The following MYO3B variants were observed in gnomAD, a reference collection of about 807,000 sequenced individuals.
The protein encoded by MYO3B is myosin IIIB.
In MYO3B, 156 loss-of-function variants were observed where a neutral mutation model predicts 174.6. That is an observed-to-expected ratio of 0.89 (90% CI 0.78 to 1.02). The LOEUF is 1.02. Among genes scored for constraint, MYO3B ranks in the 50% least tolerant of loss-of-function variants. The pLI, the probability that MYO3B is intolerant of heterozygous loss-of-function variation, is 0.00. For missense variants in MYO3B, 1,632 were observed against 1,639.4 expected, an observed-to-expected ratio of 1.00 and a Z score of 0.08; for synonymous variants, 563 against 569.1, an observed-to-expected ratio of 0.99 and a Z score of 0.15.
intron 32 of MYO3B, chr2:170,646,772 A>G: frequency 2.4e-6 from 1 of 425,088 alleles, no homozygotes; most frequent in East Asian, 7.8e-5. Context: ...GGCCCCTCCC[A>G]CATTGTCTTT....
chr2:170,405,755 T>C, intron 21 of MYO3B, 122 bp downstream of exon 21: 1 of 776,160 alleles, frequency 1.3e-6, no homozygotes, highest in Non-Finnish European at 2.0e-6. Flanking sequence ...TCTTCCTGAA[T>C]ACCTAATCAT....
At chr2:170,651,819 C>CTGGGGGGGGGG in intron 33 of MYO3B, 85 bp downstream of exon 33, 1 of 1,081,978 alleles carries the variant, frequency 9.2e-7, no homozygotes. Context: ...CCAGCCCCTG[C>CTGGGGGGGGGG]AGCCCCACCC....
chr2:170,533,424 G>GT (rs1020944418), intron 30 of MYO3B, among the ~76,000 whole-genome samples: 2 of 109,954 alleles, frequency 1.8e-5, no homozygotes, highest in African/African-American at 8.7e-5. Context: ...TTTTGTGGGG[G>GT]TGGGGGGGGG....
intron 7 of MYO3B, among the ~76,000 whole-genome samples, chr2:170,310,827 T>G (rs2093734536): frequency 2.0e-5 from 3 of 152,142 alleles, no homozygotes; most frequent in Non-Finnish European, 4.4e-5. Flanking sequence ...TGGGTTAAGA[T>G]AAAGGATTGT....
intron 30 of MYO3B, among the ~76,000 whole-genome samples, chr2:170,527,744 C>T (rs1689095717): frequency 1.3e-5 from 2 of 152,210 alleles, no homozygotes; most frequent in Admixed American, 6.5e-5. Context: ...TGGTACTTAC[C>T]TCATGCCGCC....
chr2:170,378,506 A>T (rs985340673), intron 9 of MYO3B, among the ~76,000 whole-genome samples: 2 of 152,224 alleles, frequency 1.3e-5, no homozygotes, highest in African/African-American at 2.4e-5. Context: ...TAAAATTTTT[A>T]AAAAGTTATT....
intron 7 of MYO3B, among the ~76,000 whole-genome samples, chr2:170,253,036 C>A (rs1004723145): frequency 1.3e-5 from 2 of 152,088 alleles, no homozygotes; most frequent in Non-Finnish European, 2.9e-5. Context: ...GATAGGAAGC[C>A]ATTAGGGTTT....
chr2:170,432,951 A>G (rs1379508171), intron 22 of MYO3B, among the ~76,000 whole-genome samples: 1 of 152,158 alleles, frequency 6.6e-6, no homozygotes, highest in South Asian at 2.1e-4. Context: ...GTGTACAGTA[A>G]TGTACACTAA....
intron 8 of MYO3B, chr2:170,344,430 C>T (rs2094000466): frequency 7.0e-6 from 1 of 143,882 alleles, no homozygotes; most frequent in Admixed American, 7.4e-5. Flanking sequence ...CACATCACTG[C>T]ACTCCAGCCT....
Position 170,407,770 on chromosome 2 carries a change from A to G in MYO3B, c.2576A>G (p.Asp859Gly), listed in dbSNP as rs1484532367. Reference sequence around the variant, plus strand: ...AAAAATAGAGACACTCTCCCTGCCGATGTGGTTGTGGTCCTGAGAACGTCA... The same window carrying G: ...AAAAATAGAGACACTCTCCCTGCCGGTGTGGTTGTGGTCCTGAGAACGTCA... ...LEKNRDTLPADVVVVLRTSEN... is the reference protein window; with the variant it reads ...LEKNRDTLPAGVVVVLRTSEN... The change falls in exon 22 of 35, where the codon GAT becomes GGT. Residue 859 changes from aspartate (D) to glycine (G), a missense_variant. By Grantham distance (94) the Asp-to-Gly change is moderately conservative. Transcript: ENST00000408978. 6.2e-7 allele frequency: 1 copy of G among 1,614,114 alleles called. No individual in the cohort carries two copies. Among genetic ancestry groups the G allele is most frequent in the East Asian group, 2.2e-5 (1 of 44,882 alleles).
chr2:170,524,630 C>A (rs539335920), intron 30 of MYO3B: 7 of 334,052 alleles, frequency 2.1e-5, no homozygotes, highest in South Asian at 1.3e-4. Context: ...ATTACAGGTG[C>A]GTGCCATAAC....
intron 25 of MYO3B, among the ~76,000 whole-genome samples, chr2:170,469,999 G>T (rs1327470971): frequency 6.6e-6 from 1 of 150,898 alleles, no homozygotes; most frequent in Non-Finnish European, 1.5e-5. Flanking sequence ...CTACTGAGCA[G>T]GCTGAGGCAG....
intron 17 of MYO3B, among the ~76,000 whole-genome samples, chr2:170,400,653 C>CG (rs918494746): frequency 2.1e-5 from 3 of 140,634 alleles, no homozygotes; most frequent in Non-Finnish European, 3.1e-5. Context: ...TCCACCCCCC[C>CG]CCCCTCGGCC....
At chr2:170,252,607 C>T (rs1201146062) in intron 7 of MYO3B, among the ~76,000 whole-genome samples, 1 of 152,062 alleles carries the variant, frequency 6.6e-6, no homozygotes, top group East Asian at 1.9e-4. Flanking sequence ...CCTCTTGGAG[C>T]TTACATTCTA....
chr2:170,502,760 A>G (rs988980378), intron 28 of MYO3B, among the ~76,000 whole-genome samples: 29 of 152,298 alleles, frequency 1.9e-4, no homozygotes, highest in East Asian at 7.7e-4. Flanking sequence ...AGAGAGAGTG[A>G]TAGGATTTCA....
At chr2:170,566,906 G>A (rs1312747079) in intron 32 of MYO3B, among the ~76,000 whole-genome samples, 1 of 152,082 alleles carries the variant, frequency 6.6e-6, no homozygotes. Flanking sequence ...TTGAAAGCAG[G>A]GCAGTAACCC....
At chr2:170,465,168 C>T (rs1158128289) in intron 24 of MYO3B, among the ~76,000 whole-genome samples, 1 of 152,004 alleles carries the variant, frequency 6.6e-6, no homozygotes, top group South Asian at 2.1e-4. Flanking sequence ...CCACTGTGCC[C>T]AGCCAAGACT....
intron 1 of MYO3B, among the ~76,000 whole-genome samples, chr2:170,184,347 T>C (rs12464588): frequency 6.6e-6 from 1 of 151,772 alleles, no homozygotes; most frequent in Non-Finnish European, 1.5e-5. Context: ...ACCACTACCC[T>C]TCCCAGCCTC....
intron 30 of MYO3B, among the ~76,000 whole-genome samples, chr2:170,537,327 T>TG (rs766553516): frequency 6.6e-6 from 1 of 151,568 alleles, no homozygotes; most frequent in Non-Finnish European, 1.5e-5. Context: ...CCATCCTGGG[T>TG]GACAGAGTTA....
Sources: allele counts gnomAD v4.1 joint callset (sites outside exome capture counted in the v4.1 genomes callset), GRCh38; gene constraint gnomAD v4.1.1; transcripts MANE v1.5; gene names NCBI Gene and HGNC (gene_info 2026-07-23, HGNC 2026-07-21).